PTPRR: variants seen among roughly 807,000 people sequenced by gnomAD.
PTPRR encodes the protein protein tyrosine phosphatase receptor type R, also known as receptor-type tyrosine-protein phosphatase R.
A neutral mutation model predicts 77.2 loss-of-function variants in PTPRR; 38 were observed. The observed-to-expected ratio is 0.49, with a 90% CI of 0.38 to 0.65. The LOEUF is 0.65. Among genes scored for constraint, PTPRR ranks in the 30% least tolerant of loss-of-function variants. The pLI, the probability that PTPRR is intolerant of heterozygous loss-of-function variation, is 0.00. For synonymous variants in PTPRR, 299 were observed against 283.1 expected, an observed-to-expected ratio of 1.06 and a Z score of -0.57; for missense variants, 744 against 799.2, an observed-to-expected ratio of 0.93 and a Z score of 0.83.
chr12:70,701,648 A>G (rs1055324469), intron 6 of PTPRR, among the ~76,000 whole-genome samples: 5 of 152,178 alleles, frequency 3.3e-5, no homozygotes, highest in Admixed American at 6.5e-5. Context: ...AGCTATATCT[A>G]TATCTATATC....
intron 6 of PTPRR, among the ~76,000 whole-genome samples, chr12:70,704,384 G>A (rs1012845681): frequency 2.4e-4 from 36 of 151,880 alleles, no homozygotes; most frequent in Non-Finnish European, 2.9e-4. Flanking sequence ...CACCACTGTC[G>A]TACTCCAGGT....
chr12:70,748,698 T>G lies in PTPRR; in HGVS notation c.739-2612A>C, dbSNP rs115264186. ...TGAAGCTTTTCTGCAGCTTAAAATTTTCGTTCAAAAATCTCATGAGTAACA... is the reference window on the plus strand; with the variant it reads ...TGAAGCTTTTCTGCAGCTTAAAATTGTCGTTCAAAAATCTCATGAGTAACA... On this transcript the variant is annotated intron_variant, in intron 5 of 13. Coordinates refer to ENST00000283228, the MANE Select transcript of PTPRR (RefSeq NM_002849.4). 4.0e-3 allele frequency among the ~76,000 whole-genome samples: 609 copies of G among 152,318 alleles called. 5 individuals carry two copies. Among genetic ancestry groups the G allele is most frequent in the African/African-American group, 0.014 (585 of 41,586 alleles).
intron 10 of PTPRR, among the ~76,000 whole-genome samples, chr12:70,679,206 ATTTTCAT>A (rs1479072702): frequency 6.6e-6 from 1 of 151,866 alleles, no homozygotes; most frequent in African/African-American, 2.4e-5. Context: ...ATATTGTTTA[ATTTTCAT>A]TAAACAATAT....
At chr12:70,856,754 G>A (rs1445002627) in intron 2 of PTPRR, among the ~76,000 whole-genome samples, 1 of 151,500 alleles carries the variant, frequency 6.6e-6, no homozygotes, top group African/African-American at 2.4e-5. Flanking sequence ...ATTATTTAGG[G>A]TTGGTGTTTG....
chr12:70,799,712 TGATGTGCAAATAATTTCAAAGAA>T (rs1346264814), intron 2 of PTPRR, among the ~76,000 whole-genome samples: 5 of 152,174 alleles, frequency 3.3e-5, no homozygotes, highest in African/African-American at 1.2e-4. Flanking sequence ...TCTAAATGTT[TGATGTGCAAATAATTTCAAAGAA>T]GAGATGAGTT....
At chr12:70,895,265 A>G (rs564363311) in intron 1 of PTPRR, among the ~76,000 whole-genome samples, 1 of 151,862 alleles carries the variant, frequency 6.6e-6, no homozygotes, top group Admixed American at 6.6e-5. Flanking sequence ...ATATCTTAAA[A>G]GAGGAGAAAT....
At chr12:70,733,427 C>CAAAAAAAAAAAAAAAAAAAAAAAAA (rs764791536) in intron 6 of PTPRR, among the ~76,000 whole-genome samples, 1 of 27,052 alleles carries the variant, frequency 3.7e-5, no homozygotes, top group African/African-American at 1.2e-4. Context: ...CAAACAACAA[C>CAAAAAAAAAAAAAAAAAAAAAAAAA]AAAAAAAAAA....
chr12:70,848,261 A>G lies in PTPRR; in HGVS notation c.357+44418T>C, dbSNP rs531613482. 2.0e-5 allele frequency among the ~76,000 whole-genome samples: 3 copies of G among 152,338 alleles called. No individual in the cohort carries two copies. The East Asian group carries it at 5.8e-4, about 29-fold the overall frequency. The stretch of plus-strand genomic sequence containing the variant: ...CCATTTGCAATAGTTATCCGGTTCT[A>G]TGACCAATTTTTATTCTCATAGTAT... On this transcript the variant is annotated intron_variant, in intron 2 of 13. Coordinates refer to ENST00000283228, the MANE Select transcript of PTPRR (RefSeq NM_002849.4).
intron 1 of PTPRR, among the ~76,000 whole-genome samples, chr12:70,904,282 C>A (rs1893585965): frequency 6.6e-6 from 1 of 151,790 alleles, no homozygotes; most frequent in Non-Finnish European, 1.5e-5. Flanking sequence ...CAAGTCTATT[C>A]ATAATTGCCC....
chr12:70,653,357 T>C (rs1041888109), intron 13 of PTPRR, among the ~76,000 whole-genome samples: 1 of 152,178 alleles, frequency 6.6e-6, no homozygotes, highest in African/African-American at 2.4e-5. Flanking sequence ...ATCAGGAGAT[T>C]AAGGCAGCAA....
chr12:70,733,907 C>T (rs1439542876), intron 6 of PTPRR, among the ~76,000 whole-genome samples: 1 of 152,126 alleles, frequency 6.6e-6, no homozygotes, highest in Non-Finnish European at 1.5e-5. Context: ...GAGAGTGGTG[C>T]CTCACTTCCC....
intron 1 of PTPRR, among the ~76,000 whole-genome samples, chr12:70,913,867 C>T (rs934883297): frequency 2.6e-5 from 4 of 152,104 alleles, no homozygotes; most frequent in Admixed American, 2.6e-4. Context: ...TATATGTATT[C>T]ATTCATTGAA....
chr12:70,706,505 C>A (rs954087), intron 6 of PTPRR, among the ~76,000 whole-genome samples: 36,253 of 151,900 alleles, frequency 0.24, 4,720 homozygotes, highest in East Asian at 0.46. Context: ...AAAAGAAAAT[C>A]TTTTAACATA....
intron 8 of PTPRR, among the ~76,000 whole-genome samples, chr12:70,686,150 ACTT>A (rs1887860918): frequency 6.6e-6 from 1 of 152,126 alleles, no homozygotes; most frequent in African/African-American, 2.4e-5. Context: ...GCAAAGAAAA[ACTT>A]CTCCCATTCC....
At chr12:70,870,316 G>A (rs531721731) in intron 2 of PTPRR, among the ~76,000 whole-genome samples, 1 of 152,092 alleles carries the variant, frequency 6.6e-6, no homozygotes, top group African/African-American at 2.4e-5. Context: ...CTGCAAAATG[G>A]GAATAATAAT....
intron 12 of PTPRR, among the ~76,000 whole-genome samples, 165 bp downstream of exon 12, chr12:70,660,775 G>A (rs970755114): frequency 6.6e-6 from 1 of 152,172 alleles, no homozygotes; most frequent in African/African-American, 2.4e-5. Context: ...ACTTCTGTCA[G>A]CATAATCTTG....
intron 6 of PTPRR, among the ~76,000 whole-genome samples, chr12:70,730,906 GAGAC>G (rs1284698888): frequency 1.3e-5 from 2 of 150,208 alleles, no homozygotes; most frequent in African/African-American, 2.5e-5. Context: ...AGGAGAGAGA[GAGAC>G]AGAGAATGAA....
chr12:70,735,420 T>A (rs1479045359), intron 6 of PTPRR, among the ~76,000 whole-genome samples: 1 of 152,180 alleles, frequency 6.6e-6, no homozygotes, highest in Non-Finnish European at 1.5e-5. Context: ...GCAAGGGACC[T>A]GCCCTTTATA....
intron 7 of PTPRR, 89 bp from the exon 8 acceptor site, chr12:70,698,438 G>A: frequency 9.0e-7 from 1 of 1,105,884 alleles, no homozygotes; most frequent in Non-Finnish European, 1.3e-6. Context: ...GAGTTCTATT[G>A]GACTTCAAAG....
Sources: allele counts gnomAD v4.1 joint callset (sites outside exome capture counted in the v4.1 genomes callset), GRCh38; gene constraint gnomAD v4.1.1; transcripts MANE v1.5; gene names NCBI Gene and HGNC (gene_info 2026-07-23, HGNC 2026-07-21).